The following GPC5 variants were observed in gnomAD, a reference collection of about 807,000 sequenced individuals.
GPC5 encodes glypican-5.
A neutral mutation model predicts 53.9 loss-of-function variants in GPC5; 47 were observed. The ratio of observed to expected loss-of-function variants is 0.87; its 90% CI spans 0.69 to 1.11. GPC5 has a LOEUF of 1.11. GPC5 is among the 50% of genes most tolerant of loss of function. The probability of loss-of-function intolerance (pLI) is 0.00; values close to 1 mark genes in which losing one functional copy is unlikely to be tolerated. For synonymous variants in GPC5, 286 were observed against 263.3 expected (o/e 1.09, Z -0.84); for missense variants, 748 against 713.1 (o/e 1.05, Z -0.56).
chr13:91,449,274 A>G (rs1044670953), intron 2 of GPC5, among the ~76,000 whole-genome samples: 1 of 152,166 alleles, frequency 6.6e-6, no homozygotes. Flanking sequence ...TCTATAACAT[A>G]AAATCTCATT....
intron 1 of GPC5, among the ~76,000 whole-genome samples, chr13:91,409,275 AT>A (rs1386094634): frequency 6.6e-6 from 1 of 152,180 alleles, no homozygotes; most frequent in Non-Finnish European, 1.5e-5. Flanking sequence ...GAAAAAAGTC[AT>A]TTTTAAAAAA....
intron 6 of GPC5, among the ~76,000 whole-genome samples, chr13:92,119,332 A>G (rs2041626203): frequency 6.8e-6 from 1 of 147,514 alleles, no homozygotes; most frequent in Non-Finnish European, 1.5e-5. Context: ...TCAAAATGAG[A>G]TTTGGGTGGG....
chr13:92,579,811 A>T (rs1883316033), intron 7 of GPC5, among the ~76,000 whole-genome samples: 1 of 152,104 alleles, frequency 6.6e-6, no homozygotes, highest in Non-Finnish European at 1.5e-5. Context: ...ATTCATACCT[A>T]GACCTAACAC....
chr13:91,952,193 G>T (rs200127315), intron 6 of GPC5, among the ~76,000 whole-genome samples: 1 of 118,114 alleles, frequency 8.5e-6, no homozygotes, highest in African/African-American at 2.5e-5. Context: ...CTCTCTCTGT[G>T]TGTGTGTGTG....
intron 7 of GPC5, among the ~76,000 whole-genome samples, chr13:92,795,919 G>A (rs191324308): frequency 6.6e-6 from 1 of 152,250 alleles, no homozygotes; most frequent in East Asian, 1.9e-4. Flanking sequence ...TGGTGGGACT[G>A]TAAACTAGTT....
intron 2 of GPC5, among the ~76,000 whole-genome samples, chr13:91,594,952 G>T (rs2032936424): frequency 6.6e-6 from 1 of 151,910 alleles, no homozygotes; most frequent in African/African-American, 2.4e-5. Flanking sequence ...TTACAGGCAT[G>T]AGCCACCTTG....
At chr13:92,500,912 A>T (rs1880159198) in intron 7 of GPC5, among the ~76,000 whole-genome samples, 1 of 152,156 alleles carries the variant, frequency 6.6e-6, no homozygotes, top group African/African-American at 2.4e-5. Flanking sequence ...ACTTCAGGGG[A>T]GATTACAGAG....
chr13:92,258,704 T>G (rs1037825655), intron 7 of GPC5, among the ~76,000 whole-genome samples: 22 of 152,130 alleles, frequency 1.4e-4, no homozygotes, highest in African/African-American at 5.3e-4. Flanking sequence ...TAAATACACA[T>G]ACACACAGAC....
chr13:92,582,313 A>G (rs1220006149), intron 7 of GPC5, among the ~76,000 whole-genome samples: 1 of 151,964 alleles, frequency 6.6e-6, no homozygotes, highest in Non-Finnish European at 1.5e-5. Context: ...TTCATTCCCC[A>G]TTGTGTGTTT....
intron 7 of GPC5, among the ~76,000 whole-genome samples, chr13:92,443,837 AAGT>A (rs1877680930): frequency 6.6e-6 from 1 of 152,224 alleles, no homozygotes; most frequent in Non-Finnish European, 1.5e-5. Context: ...ATGTGCAAAA[AAGT>A]AGCAGCACAT....
chr13:92,501,544 G>A (rs972110309), intron 7 of GPC5, among the ~76,000 whole-genome samples: 2 of 152,052 alleles, frequency 1.3e-5, no homozygotes, highest in Non-Finnish European at 2.9e-5. Context: ...CATAAAGGCT[G>A]AAAATTTCCC....
intron 2 of GPC5, among the ~76,000 whole-genome samples, chr13:91,526,873 A>G (rs1479737453): frequency 1.3e-5 from 2 of 152,170 alleles, no homozygotes; most frequent in Non-Finnish European, 2.9e-5. Flanking sequence ...GAGAGAGAGC[A>G]CAGGGGAAAT....
intron 6 of GPC5, among the ~76,000 whole-genome samples, chr13:92,066,883 T>G (rs528623037): frequency 6.6e-6 from 1 of 152,058 alleles, no homozygotes; most frequent in South Asian, 2.1e-4. Context: ...TAATTCCAGA[T>G]AGCTTTAAGC....
chr13:92,403,370 G>T (rs576330481), intron 7 of GPC5, among the ~76,000 whole-genome samples: 25 of 152,264 alleles, frequency 1.6e-4, no homozygotes, highest in African/African-American at 5.5e-4. Flanking sequence ...CTGGTCTGTG[G>T]CCCATGGCCT....
chr13:91,581,321 A>G (rs906843021), intron 2 of GPC5, among the ~76,000 whole-genome samples: 2 of 152,230 alleles, frequency 1.3e-5, no homozygotes, highest in Non-Finnish European at 2.9e-5. Context: ...AGTGGAAGAA[A>G]TATAACACTA....
At chr13:92,050,791 C>T (rs1043460952) in intron 6 of GPC5, among the ~76,000 whole-genome samples, 33 of 152,090 alleles carry the variant, frequency 2.2e-4, no homozygotes, top group African/African-American at 7.0e-4. Flanking sequence ...TTACAAACCC[C>T]AGTGTTCCAA....
At chr13:91,668,986 A>G (rs914417484) in intron 2 of GPC5, among the ~76,000 whole-genome samples, 13 of 152,324 alleles carry the variant, frequency 8.5e-5, no homozygotes, top group African/African-American at 3.1e-4. Flanking sequence ...CATTGGCTTT[A>G]CAAGGCCTAA....
chr13:92,381,962 GTATCTATC>G (rs58251052), intron 7 of GPC5, among the ~76,000 whole-genome samples: 9,892 of 125,994 alleles, frequency 0.079, 785 homozygotes, highest in African/African-American at 0.18. Context: ...ATGTATGTAT[GTATCTATC>G]TATCTATCTA....
chr13:92,746,880 T>C (rs555018397), intron 7 of GPC5, among the ~76,000 whole-genome samples: 2 of 152,178 alleles, frequency 1.3e-5, no homozygotes, highest in Non-Finnish European at 2.9e-5. Context: ...AATTTTGTCA[T>C]GTGTGAGCAT....
Sources: allele counts gnomAD v4.1 joint callset (sites outside exome capture counted in the v4.1 genomes callset), GRCh38; gene constraint gnomAD v4.1.1; transcripts MANE v1.5; gene names NCBI Gene and HGNC (gene_info 2026-07-23, HGNC 2026-07-21).